TTC7A: variants seen among roughly 807,000 people sequenced by gnomAD.
TTC7A encodes the protein tetratricopeptide repeat protein 7A.
A neutral mutation model predicts 103.7 loss-of-function variants in TTC7A; 110 were observed. The ratio of observed to expected loss-of-function variants is 1.06; its 90% CI spans 0.91 to 1.24. The LOEUF is 1.24. TTC7A is among the 50% of genes most tolerant of loss of function. The pLI is 0.00. For missense variants in TTC7A, 1,340 were observed against 1,116.3 expected, an observed-to-expected ratio of 1.20 and a Z score of -2.86; for synonymous variants, 521 against 467.9, an observed-to-expected ratio of 1.11 and a Z score of -1.47.
At chr2:46,978,562 T>TAAAA (rs74444627) in intron 4 of TTC7A, among the ~76,000 whole-genome samples, 3 of 132,766 alleles carry the variant, frequency 2.3e-5, no homozygotes, top group South Asian at 5.0e-4. Flanking sequence ...CCCTGTTTCT[T>TAAAA]AAAAAAAAAA....
chr2:47,051,421 A>G (rs566154384), intron 17 of TTC7A, among the ~76,000 whole-genome samples: 2 of 152,330 alleles, frequency 1.3e-5, no homozygotes, highest in East Asian at 1.9e-4. Flanking sequence ...TTTTTAATCA[A>G]TCCCTATTGT....
chr2:47,051,941 G>C (rs1682896071), intron 18 of TTC7A, 61 bp downstream of exon 18: 1 of 1,542,316 alleles, frequency 6.5e-7, no homozygotes, highest in East Asian at 2.4e-5. Flanking sequence ...TGCTCTCAGA[G>C]CCCTGTCCTG....
Position 47,049,980 on chromosome 2 carries a change from G to C in TTC7A, c.1951G>C (p.Gly651Arg). The C allele has an allele frequency of 6.2e-7, 1 of 1,614,130 alleles. No individual in the cohort carries two copies. Among genetic ancestry groups the C allele is most frequent in the Non-Finnish European group, 8.5e-7 (1 of 1,180,026 alleles). The change falls in exon 17 of 20, where the codon GGC (glycine) becomes CGC (arginine). Residue 651 changes from glycine (G) to arginine (R), a missense_variant. Coordinates refer to ENST00000319190, the MANE Select transcript of TTC7A (RefSeq NM_020458.4). ...GLEKDGSFGEGLTMKKQSGMH... is the reference protein window; with the variant it reads ...GLEKDGSFGERLTMKKQSGMH... ...AGAAAAGGATGGCAGCTTCGGTGAG[G>C]GCCTCACCATGAAGAAGCAGAGTGG...
chr2:47,016,044 G>A (rs768617010), intron 11 of TTC7A, among the ~76,000 whole-genome samples: 13 of 152,184 alleles, frequency 8.5e-5, no homozygotes, highest in African/African-American at 1.2e-4. Flanking sequence ...TGAAGATTCC[G>A]AGGGCAAACC....
At chr2:46,958,442 G>A in intron 3 of TTC7A, 2 of 1,282,804 alleles carry the variant, frequency 1.6e-6, no homozygotes, top group South Asian at 2.5e-5. Context: ...ACTTTCTCCT[G>A]AGCCTGGCTC....
intron 15 of TTC7A, chr2:47,034,226 G>A (rs963399315): frequency 1.3e-5 from 2 of 152,276 alleles, no homozygotes; most frequent in Non-Finnish European, 2.9e-5. Flanking sequence ...ACTAAGCCCT[G>A]GACACATGTG....
intron 2 of TTC7A, among the ~76,000 whole-genome samples, chr2:46,955,706 G>A (rs1268091531): frequency 6.6e-6 from 1 of 152,220 alleles, no homozygotes; most frequent in African/African-American, 2.4e-5. Context: ...TGGCTTCTGA[G>A]AGGGCAGTAG....
chr2:46,939,877 T>C (rs1670190135), upstream of TTC7A, among the ~76,000 whole-genome samples: 1 of 152,154 alleles, frequency 6.6e-6, no homozygotes. Flanking sequence ...CTAAACTGTC[T>C]CTAAATTCCA....
intron 10 of TTC7A, among the ~76,000 whole-genome samples, chr2:47,009,886 GTTTTTT>G (rs34401578): frequency 1.1e-5 from 1 of 93,522 alleles, no homozygotes; most frequent in Non-Finnish European, 2.0e-5. Context: ...GTGTGTGTGT[GTTTTTT>G]TTTTTTTTTT....
intron 5 of TTC7A, among the ~76,000 whole-genome samples, chr2:46,990,368 C>A (rs552095477): frequency 1.3e-5 from 2 of 152,114 alleles, no homozygotes; most frequent in Non-Finnish European, 2.9e-5. Context: ...GTGGGGGGCC[C>A]GGGCCTGTCC....
intron 15 of TTC7A, among the ~76,000 whole-genome samples, chr2:47,036,928 A>G (rs1170512922): frequency 2.6e-5 from 4 of 152,200 alleles, no homozygotes; most frequent in Non-Finnish European, 5.9e-5. Context: ...ATCACTCAGC[A>G]TATCCCCCGC....
chr2:47,065,114 C>T (rs1458921776), intron 19 of TTC7A, among the ~76,000 whole-genome samples: 3 of 152,040 alleles, frequency 2.0e-5, no homozygotes, highest in Admixed American at 6.5e-5. Flanking sequence ...GGTGAAACCC[C>T]ATCTCTACTA....
chr2:46,933,580 A>G (rs557036718), intron 2 of TTC7A, among the ~76,000 whole-genome samples: 11 of 152,330 alleles, frequency 7.2e-5, no homozygotes, highest in African/African-American at 2.6e-4. Context: ...CAGTATTGAA[A>G]TTAAGTAAGA....
intron 11 of TTC7A, among the ~76,000 whole-genome samples, chr2:47,019,484 A>G (rs1489605488): frequency 6.6e-6 from 1 of 152,196 alleles, no homozygotes; most frequent in African/African-American, 2.4e-5. Flanking sequence ...CCAGGCTTAG[A>G]GACGGTTTTA....
intron 14 of TTC7A, among the ~76,000 whole-genome samples, chr2:47,024,835 T>A (rs540351140): frequency 6.6e-6 from 1 of 152,250 alleles, no homozygotes; most frequent in South Asian, 2.1e-4. Context: ...GTCTGCTGAC[T>A]ACCTTAGCCC....
chr2:46,997,163 G>C (rs936116373), intron 8 of TTC7A, among the ~76,000 whole-genome samples: 2 of 152,052 alleles, frequency 1.3e-5, no homozygotes, highest in African/African-American at 4.8e-5. Flanking sequence ...ATTTTTAGTA[G>C]AGACGGGGTT....
intron 3 of TTC7A, among the ~76,000 whole-genome samples, chr2:46,968,062 C>T (rs1371859021): frequency 1.3e-5 from 2 of 152,102 alleles, no homozygotes; most frequent in African/African-American, 4.8e-5. Flanking sequence ...GCATCCAGGG[C>T]CCAAGGCTCC....
Position 46,995,188 on chromosome 2 carries a change from A to C in TTC7A, c.1054A>C (p.Ser352Arg). 2 of 1,614,080 alleles carry C rather than the reference A, an allele frequency of 1.2e-6. No individual in the cohort carries two copies. Among genetic ancestry groups the C allele is most frequent in the Non-Finnish European group, 1.7e-6 (2 of 1,179,996 alleles). The change falls in exon 8 of 20, where the codon AGC (serine) becomes CGC (arginine). Residue 352 changes from serine to arginine, a missense_variant. By Grantham distance (110) the Ser-to-Arg change is moderately radical. Transcript: ENST00000319190. The part of the protein sequence containing the change: ...IEEALLLLLI[S>R]ESMATRDVVL... ...GGAAGCCCTCCTGCTCCTCCTCATCAGCGAATCCATGGTAAGCTCCAGGAT... is the reference window on the plus strand; with the variant it reads ...GGAAGCCCTCCTGCTCCTCCTCATCCGCGAATCCATGGTAAGCTCCAGGAT...
intron 15 of TTC7A, among the ~76,000 whole-genome samples, chr2:47,039,699 A>G (rs72808511): frequency 0.096 from 14,592 of 152,310 alleles, 748 homozygotes; most frequent in Non-Finnish European, 0.12. Context: ...ACAAATAATT[A>G]GCAGTGTGAT....
Sources: allele counts gnomAD v4.1 joint callset (sites outside exome capture counted in the v4.1 genomes callset), GRCh38; gene constraint gnomAD v4.1.1; transcripts MANE v1.5; gene names NCBI Gene and HGNC (gene_info 2026-07-23, HGNC 2026-07-21).